GRID2: variants seen among roughly 807,000 people sequenced by gnomAD.
The protein encoded by GRID2 is glutamate receptor ionotropic, delta-2.
In GRID2, 33 loss-of-function variants were observed where a neutral mutation model predicts 114.8. The ratio of observed to expected loss-of-function variants is 0.29; its 90% CI spans 0.22 to 0.38. The LOEUF (loss-of-function observed/expected upper bound fraction) is 0.38, where lower values mean the gene tolerates loss of function less well. Ranked by LOEUF, GRID2 falls within the 10% of genes least tolerant of loss-of-function variation. The pLI is 1.00. For missense variants in GRID2, 1,184 were observed against 1,257.7 expected (o/e 0.94, Z 0.89); for synonymous variants, 505 against 449.9 (o/e 1.12, Z -1.55).
At chr4:92,752,498 A>G (rs1003381990) in intron 2 of GRID2, among the ~76,000 whole-genome samples, 3 of 152,308 alleles carry the variant, frequency 2.0e-5, no homozygotes, top group East Asian at 1.9e-4. Context: ...TCAGATAGCT[A>G]TATAATAATT....
intron 2 of GRID2, among the ~76,000 whole-genome samples, chr4:92,673,572 T>G (rs993998489): frequency 2.6e-5 from 4 of 152,224 alleles, no homozygotes; most frequent in African/African-American, 9.6e-5. Context: ...AATATTCTGT[T>G]TTTTTAGGTG....
chr4:93,498,653 T>A (rs1727798966), intron 12 of GRID2, among the ~76,000 whole-genome samples: 1 of 151,854 alleles, frequency 6.6e-6, no homozygotes, highest in Non-Finnish European at 1.5e-5. Flanking sequence ...CTAAGCTCCT[T>A]TATTAGTTTT....
At chr4:93,701,977 T>C (rs1019172877) in intron 14 of GRID2, among the ~76,000 whole-genome samples, 2 of 152,146 alleles carry the variant, frequency 1.3e-5, no homozygotes, top group East Asian at 3.8e-4. Context: ...TTGTCTTATA[T>C]TTCCAGCTGT....
At chr4:92,707,248 C>A (rs1038610537) in intron 2 of GRID2, among the ~76,000 whole-genome samples, 18 of 152,068 alleles carry the variant, frequency 1.2e-4, no homozygotes, top group Non-Finnish European at 5.9e-5. Flanking sequence ...GGCTTTTTGA[C>A]TATAGAGCCA....
At chr4:92,967,030 A>T in intron 2 of GRID2, among the ~76,000 whole-genome samples, 1 of 151,906 alleles carries the variant, frequency 6.6e-6, no homozygotes, top group East Asian at 1.9e-4. Flanking sequence ...GTCAGAAGGG[A>T]TGAGCATAAT....
intron 8 of GRID2, among the ~76,000 whole-genome samples, chr4:93,333,676 T>G (rs975649518): frequency 5.3e-5 from 8 of 152,186 alleles, no homozygotes; most frequent in Non-Finnish European, 8.8e-5. Flanking sequence ...GAGTTTATTT[T>G]CATTGTGCAT....
chr4:92,675,851 G>A (rs887260379), intron 2 of GRID2, among the ~76,000 whole-genome samples: 1 of 152,004 alleles, frequency 6.6e-6, no homozygotes, highest in Non-Finnish European at 1.5e-5. Flanking sequence ...ACCACGCCTG[G>A]CCTGAGCTAC....
chr4:93,554,792 A>C (rs973414174), intron 13 of GRID2, among the ~76,000 whole-genome samples: 2 of 152,170 alleles, frequency 1.3e-5, no homozygotes, highest in African/African-American at 4.8e-5. Flanking sequence ...CCAGAAAGAA[A>C]TACCTGAGAC....
intron 2 of GRID2, among the ~76,000 whole-genome samples, chr4:92,971,847 C>T (rs13120549): frequency 0.057 from 8,682 of 152,130 alleles, 357 homozygotes; most frequent in Non-Finnish European, 0.089. Flanking sequence ...CAGCCTCATC[C>T]ACATTGCTAC....
chr4:93,131,341 A>T (rs959901990), intron 4 of GRID2, among the ~76,000 whole-genome samples: 2 of 151,408 alleles, frequency 1.3e-5, no homozygotes, highest in African/African-American at 4.8e-5. Flanking sequence ...TTTAGGAGAG[A>T]CAGGGTTTCA....
At chr4:93,352,794 AGTTGTT>A (rs373034781) in intron 8 of GRID2, among the ~76,000 whole-genome samples, 1 of 151,972 alleles carries the variant, frequency 6.6e-6, no homozygotes, top group African/African-American at 2.4e-5. Context: ...TTGTAGTTGT[AGTTGTT>A]GTTGTTGTTG....
At chr4:92,989,172 G>A (rs898398943) in intron 2 of GRID2, among the ~76,000 whole-genome samples, 1 of 150,970 alleles carries the variant, frequency 6.6e-6, no homozygotes, top group Non-Finnish European at 1.5e-5. Flanking sequence ...AGCTACTCGG[G>A]AGGCTGAGGC....
intron 2 of GRID2, among the ~76,000 whole-genome samples, chr4:92,872,682 A>G (rs1745359513): frequency 6.6e-6 from 1 of 152,202 alleles, no homozygotes; most frequent in Admixed American, 6.5e-5. Context: ...AGAAAGAAAC[A>G]TTTTATAGGA....
intron 1 of GRID2, among the ~76,000 whole-genome samples, chr4:92,310,910 GA>G (rs1012891040): frequency 6.6e-6 from 1 of 152,018 alleles, no homozygotes; most frequent in Non-Finnish European, 1.5e-5. Context: ...TAAGGAACAT[GA>G]AATCTTAATT....
intron 1 of GRID2, among the ~76,000 whole-genome samples, chr4:92,576,742 C>T (rs564955040): frequency 1.3e-5 from 2 of 152,264 alleles, no homozygotes; most frequent in African/African-American, 2.4e-5. Context: ...AGTGTGGTTT[C>T]CTGGGATCAC....
chr4:93,358,586 C>T (rs1365215297), intron 8 of GRID2, among the ~76,000 whole-genome samples: 2 of 151,716 alleles, frequency 1.3e-5, no homozygotes, highest in Non-Finnish European at 2.9e-5. Flanking sequence ...TGCAATAACT[C>T]TAGAAACTAA....
At chr4:92,368,228 C>T (rs1728963269) in intron 1 of GRID2, among the ~76,000 whole-genome samples, 2 of 151,976 alleles carry the variant, frequency 1.3e-5, no homozygotes, top group South Asian at 4.2e-4. Context: ...TTTTAAGAGG[C>T]TAACCAGCAG....
intron 2 of GRID2, among the ~76,000 whole-genome samples, chr4:92,938,121 G>A (rs1158363780): frequency 1.4e-5 from 2 of 146,360 alleles, no homozygotes; most frequent in Non-Finnish European, 3.0e-5. Flanking sequence ...ATTTCTCTTT[G>A]TTTTATCAAT....
intron 2 of GRID2, among the ~76,000 whole-genome samples, chr4:92,625,732 G>A (rs979163215): frequency 6.6e-6 from 1 of 151,912 alleles, no homozygotes; most frequent in African/African-American, 2.4e-5. Flanking sequence ...TTACAACGAT[G>A]TCTGGTACAA....
Sources: gnomAD v4.1 joint callset for allele counts (sites outside exome capture counted in the v4.1 genomes callset) on GRCh38, gnomAD v4.1.1 for gene constraint, MANE v1.5 for transcripts, NCBI Gene and HGNC (gene_info 2026-07-23, HGNC 2026-07-21) for gene names.